CROCC: variants seen among roughly 807,000 people sequenced by gnomAD.
CROCC encodes the protein ciliary rootlet coiled-coil, rootletin.
Under a neutral mutation model 245.2 loss-of-function variants are expected in CROCC, and 180 were observed. The observed-to-expected ratio is 0.73, with a 90% CI of 0.65 to 0.83. The LOEUF is 0.83. Among genes scored for constraint, CROCC ranks in the 40% least tolerant of loss-of-function variants. CROCC has a pLI of 0.00. For synonymous variants in CROCC, 1,205 were observed against 1,241.6 expected (o/e 0.97, Z 0.62); for missense variants, 2,688 against 2,779.4 (o/e 0.97, Z 0.74).
intron 26 of CROCC, among the ~76,000 whole-genome samples, chr1:16,959,301 G>C (rs1193347070): frequency 6.6e-6 from 1 of 152,184 alleles, no homozygotes; most frequent in East Asian, 1.9e-4. Context: ...TGGGATTACA[G>C]GTGTGAGCCA....
chr1:16,946,708 G>C (rs1336826381), intron 16 of CROCC, 53 bp from the exon 17 acceptor site: 4 of 1,515,142 alleles, frequency 2.6e-6, no homozygotes, highest in Non-Finnish European at 3.6e-6. Flanking sequence ...GAGGCGTCCT[G>C]GTCCTGGGAG....
intron 8 of CROCC, 139 bp downstream of exon 8, chr1:16,931,536 A>G (rs2100370865): frequency 1.4e-6 from 1 of 727,458 alleles, no homozygotes; most frequent in Non-Finnish European, 2.4e-6. Context: ...GCAACTTGTA[A>G]TAACCATTAC....
At chr1:16,949,707 T>C (rs2100480380) in intron 19 of CROCC, among the ~76,000 whole-genome samples, 1 of 152,348 alleles carries the variant, frequency 6.6e-6, no homozygotes, top group East Asian at 1.9e-4. Flanking sequence ...AATGAGGTTA[T>C]GTCTAAAATA....
intron 21 of CROCC, chr1:16,953,960 C>A (rs2076207228): frequency 2.9e-6 from 1 of 348,514 alleles, no homozygotes; most frequent in Non-Finnish European, 5.0e-6. Flanking sequence ...GTTTCCTCAT[C>A]TGTAAGATGG....
In CROCC at chr1:16,947,002, C is replaced by A; in HGVS notation, c.2514+11C>A. 1 of 1,544,648 alleles carries A rather than the reference C, an allele frequency of 6.5e-7. No individual in the cohort carries two copies. Among genetic ancestry groups the A allele is most frequent in the Non-Finnish European group, 8.7e-7 (1 of 1,144,360 alleles). ...GAGCAGCTAGCGCAGGTGGGCAAAG[C>A]TGTGTGTGGGGGTGGTGTGGAGAGC... On this transcript the variant is annotated intron_variant, in intron 17 of 36. Coordinates refer to ENST00000375541, the MANE Select transcript of CROCC (RefSeq NM_014675.5).
At chr1:16,958,786 C>A in intron 26 of CROCC, 36 bp downstream of exon 26, 1 of 1,539,514 alleles carries the variant, frequency 6.5e-7, no homozygotes, top group Non-Finnish European at 8.8e-7. Context: ...TGCATCTTTC[C>A]TTCCCCCAGC....
Position 16,972,508 on chromosome 1 carries a change from A to G in CROCC, c.*62A>G. The G allele has an allele frequency of 4.4e-6, 5 of 1,128,446 alleles. No homozygotes were observed. The highest frequency in any genetic ancestry group is 2.9e-5 in the Admixed American group (1 of 34,414). The allele number at this position is 1,128,446 out of a possible 1,614,324, so 69.9% of individuals were successfully genotyped here. On this transcript the variant is annotated 3_prime_UTR_variant, in exon 37 of 37. Coordinates refer to ENST00000375541, the MANE Select transcript of CROCC (RefSeq NM_014675.5). The stretch of plus-strand genomic sequence containing the variant: ...GGACAGGGGAGGACCCTTCTTTTGG[A>G]CAGCCCCCCCACCCAGAGCCCGGTC...
At chr1:16,950,903 A>G (rs754274941) in intron 19 of CROCC, 50 bp from the exon 20 acceptor site, 88 of 1,449,688 alleles carry the variant, frequency 6.1e-5, no homozygotes, top group Non-Finnish European at 7.9e-5. Flanking sequence ...TGCTGGCCCA[A>G]GGAAAAGTTT....
upstream of CROCC, chr1:16,921,897 G>T: frequency 9.3e-7 from 1 of 1,077,448 alleles, no homozygotes; most frequent in Non-Finnish European, 1.4e-6. Flanking sequence ...TGGGGGCGCC[G>T]CCGGATTTAA....
chr1:16,968,085 G>A, intron 30 of CROCC, 118 bp from the exon 31 acceptor site: 1 of 1,006,106 alleles, frequency 9.9e-7, no homozygotes, highest in Non-Finnish European at 1.5e-6. Context: ...CCGGCCCCAG[G>A]TCACGTAGGT....
Position 16,924,441 on chromosome 1 carries a change from G to C in CROCC, c.313G>C (p.Asp105His), listed in dbSNP as rs201480427. 6.2e-7 allele frequency: 1 copy of C among 1,613,226 alleles called. No homozygotes were observed. The highest frequency in any genetic ancestry group is 2.2e-5 in the East Asian group (1 of 44,898). The stretch of plus-strand genomic sequence containing the variant: ...GCTGGCCCAGAGCCGTGCCGAGCGC[G>C]ATGAGCTCGCCATTAAGTACAATGC... ...DLLAQSRAERDELAIKYNAVS... is the reference protein window; with the variant it reads ...DLLAQSRAERHELAIKYNAVS... Residue 105 changes from aspartate (D) to histidine (H), a missense_variant, in exon 3 of 37, where the codon GAT becomes CAT. Physicochemically the swap from Asp to His is moderately conservative, Grantham distance 81 (BLOSUM62 -1). This residue lies in a region of CROCC where 972 missense variants were observed against 895.3 expected (regional missense o/e 1.09). Coordinates refer to ENST00000375541, the MANE Select transcript of CROCC (RefSeq NM_014675.5).
intron 2 of CROCC, among the ~76,000 whole-genome samples, chr1:16,923,011 G>A (rs1418318484): frequency 6.6e-6 from 1 of 152,288 alleles, no homozygotes; most frequent in African/African-American, 2.4e-5. Flanking sequence ...GCAACTAGAA[G>A]GAAGGGCCGA....
Position 16,968,961 on chromosome 1 carries a change from C to T in CROCC, c.5077-155C>T. On this transcript the variant is annotated intron_variant, in intron 31 of 36. Transcript: ENST00000375541. ...CCCAGGTGGCAGTAGGCTGAGCCAG[C>T]AGGAGTGCTTAGGAACACTGGGTCT... 3 of 786,198 alleles carry T rather than the reference C, an allele frequency of 3.8e-6. No individual in the cohort carries two copies. In the South Asian group the frequency reaches 4.5e-5, roughly 12 times the overall value. 48.7% of individuals were successfully genotyped at this position (786,198 alleles called of 1,614,324 possible).
rs369089232 is a variant in CROCC, at chr1:16,922,706, C to G, written c.104C>G (p.Ala35Gly). 1.2e-6 allele frequency: 2 copies of G among 1,613,710 alleles called. No homozygotes were observed. The highest frequency in any genetic ancestry group is 1.7e-6 in the Non-Finnish European group (2 of 1,179,916). ...SVLCQEKGLG[A>G]RDLAQDAQIT... ...CTGTGCCAGGAGAAAGGCTTGGGCG[C>G]GCGGGACCTGGCCCAGGACGCTCAG... is the stretch of plus-strand genomic sequence containing the variant. The change falls in exon 2 of 37, where the codon GCG becomes GGG. Residue 35 changes from alanine (A) to glycine (G), a missense_variant. By Grantham distance (60) the Ala-to-Gly change is moderately conservative. Around this residue, in one of 9 missense-constraint regions of CROCC, gnomAD observed 972 missense variants for 895.3 expected, o/e 1.09. Transcript: ENST00000375541.
chr1:16,956,352 C>T (rs984177198), intron 25 of CROCC, among the ~76,000 whole-genome samples, 196 bp downstream of exon 25: 4 of 152,194 alleles, frequency 2.6e-5, no homozygotes, highest in South Asian at 2.1e-4. Flanking sequence ...CAAAAGTCTG[C>T]GTGCATTTGT....
Position 16,930,362 on chromosome 1 carries a change from G to C in CROCC, c.683+15G>C, listed in dbSNP as rs745594925. The C allele has an allele frequency of 1.5e-5, 24 of 1,610,866 alleles. No individual in the cohort carries two copies. Among genetic ancestry groups the C allele is most frequent in the East Asian group, 2.2e-5 (1 of 44,878 alleles). On this transcript the variant is annotated intron_variant, in intron 6 of 36. Transcript: ENST00000375541. The stretch of plus-strand genomic sequence containing the variant: ...GAGCAGCAGAGGTGAGGGCGCAGCA[G>C]GGAGGGCCAGGGCTGGCAGGATGGC...
chr1:16,914,237 G>A (rs1445021093), intron 1 of CROCC, among the ~76,000 whole-genome samples: 3 of 152,096 alleles, frequency 2.0e-5, no homozygotes, highest in Non-Finnish European at 4.4e-5. Context: ...ACGTACCGGG[G>A]CTGGGGGCGC....
At chr1:16,936,931 G>C (rs1181726186) in intron 9 of CROCC, 58 bp downstream of exon 9, 5 of 1,510,892 alleles carry the variant, frequency 3.3e-6, no homozygotes, top group Non-Finnish European at 3.6e-6. Flanking sequence ...TAAAACTGGA[G>C]AGTTGGGGAG....
At chr1:16,972,207 C>A (rs1455487925) in intron 36 of CROCC, among the ~76,000 whole-genome samples, 153 bp from the exon 37 acceptor site, 1 of 152,176 alleles carries the variant, frequency 6.6e-6, no homozygotes, top group African/African-American at 2.4e-5. Context: ...CTATAAGGAA[C>A]AAAATGAGAA....
Sources: allele counts gnomAD v4.1 joint callset (sites outside exome capture counted in the v4.1 genomes callset), GRCh38; gene constraint gnomAD v4.1.1; regional missense constraint gnomAD v4.1.1; transcripts MANE v1.5; gene names NCBI Gene and HGNC (gene_info 2026-07-23, HGNC 2026-07-21).